SPEN: variants seen among roughly 807,000 people sequenced by gnomAD.
SPEN encodes the protein spen family transcriptional repressor.
In SPEN, 18 loss-of-function variants were observed where a neutral mutation model predicts 269.9. The ratio of observed to expected loss-of-function variants is 0.07; its 90% CI spans 0.05 to 0.10. SPEN has a LOEUF of 0.10. Among genes scored for constraint, SPEN ranks in the 10% least tolerant of loss-of-function variants. The probability of loss-of-function intolerance (pLI) is 1.00; values close to 1 mark genes in which losing one functional copy is unlikely to be tolerated. For synonymous variants in SPEN, 1,726 were observed against 1,765.7 expected, an observed-to-expected ratio of 0.98 and a Z score of 0.56; for missense variants, 3,822 against 4,631.2, an observed-to-expected ratio of 0.83 and a Z score of 5.07.
intron 3 of SPEN, among the ~76,000 whole-genome samples, chr1:15,900,164 C>T (rs1017493621): frequency 3.9e-5 from 6 of 152,072 alleles, no homozygotes; most frequent in East Asian, 1.9e-4. Context: ...GCTTTTTAAA[C>T]GAAATTAAAA....
Position 15,931,653 on chromosome 1 carries a change from T to G in SPEN, c.5413T>G (p.Leu1805Val). 2 of 1,614,098 alleles carry G rather than the reference T, an allele frequency of 1.2e-6. No individual in the cohort carries two copies. Among genetic ancestry groups the G allele is most frequent in the Non-Finnish European group, 1.7e-6 (2 of 1,180,024 alleles). Residue 1805 changes from leucine (L) to valine (V), a missense_variant, in exon 11 of 15, where the codon TTA (leucine) becomes GTA (valine). Coordinates refer to ENST00000375759, the MANE Select transcript of SPEN (RefSeq NM_015001.3). This position sits in a 1 kb window ranked among gnomAD's most constrained non-coding sequence, Gnocchi z 4.8. ...GTCTCAGCCCCCAGCTTCTGAAGATTTAGAGGTTGATCCTCCAGTTGCTGC... is the reference window on the plus strand; with the variant it reads ...GTCTCAGCCCCCAGCTTCTGAAGATGTAGAGGTTGATCCTCCAGTTGCTGC... ...PESQPPASED[L>V]EVDPPVAAKD...
At chr1:15,871,323 A>G (rs1048038067) in intron 1 of SPEN, among the ~76,000 whole-genome samples, 1 of 151,766 alleles carries the variant, frequency 6.6e-6, no homozygotes, top group East Asian at 1.9e-4. Flanking sequence ...TTAGAACCCT[A>G]GTCACTTTTC....
In SPEN at chr1:15,932,304, G is replaced by A. The variant is rs141045137; in HGVS notation, c.6064G>A (p.Gly2022Ser). ...CACCACTGAGGTGGGCCCCCAAATA[G>A]GCGTGAAAGAGAGCTCCATGGAACC... is the stretch of plus-strand genomic sequence containing the variant. ...EATTEVGPQI[G>S]VKESSMEPKA... Residue 2022 changes from glycine (G) to serine (S), a missense_variant, in exon 11 of 15, where the codon GGC becomes AGC. This residue lies in a region of SPEN where 727 missense variants were observed against 737.9 expected (regional missense o/e 0.99). Transcript: ENST00000375759. The surrounding 1 kb of genome is among the most constrained non-coding windows in gnomAD (Gnocchi z 4.2). 744 of 1,608,488 alleles carry A rather than the reference G, an allele frequency of 4.6e-4. 1 individual carries two copies. The highest frequency in any genetic ancestry group is 5.4e-4 in the Non-Finnish European group (635 of 1,178,066).
intron 3 of SPEN, among the ~76,000 whole-genome samples, chr1:15,877,124 G>C (rs1179416906): frequency 1.3e-5 from 2 of 152,138 alleles, no homozygotes. Flanking sequence ...TCAATGACTA[G>C]ATCAACTTAT....
intron 3 of SPEN, among the ~76,000 whole-genome samples, chr1:15,892,165 C>T (rs2070797355): frequency 6.6e-6 from 1 of 151,756 alleles, no homozygotes; most frequent in Non-Finnish European, 1.5e-5. Flanking sequence ...GGACTATAGG[C>T]ACCTTCCACC....
intron 3 of SPEN, among the ~76,000 whole-genome samples, chr1:15,881,905 C>T (rs569250925): frequency 2.0e-5 from 3 of 152,264 alleles, no homozygotes; most frequent in East Asian, 3.9e-4. Flanking sequence ...AGTTAGCACT[C>T]GTATAGTGGA....
rs2148704907 is a variant in SPEN, at chr1:15,860,248, T to A, written c.83+12098T>A. On this transcript the variant is annotated intron_variant, in intron 1 of 14. Coordinates refer to ENST00000375759, the MANE Select transcript of SPEN (RefSeq NM_015001.3). ...TAAGGCATAGACTTCAGTGACTGTT[T>A]TTCTTTTTGAGACAGCCTTGTTCTG... Among the ~76,000 whole-genome samples the A allele has an allele frequency of 2.0e-5, 3 of 151,776 alleles. No individual in the cohort carries two copies. In the South Asian group the frequency reaches 6.3e-4, roughly 32 times the overall value.
intron 1 of SPEN, among the ~76,000 whole-genome samples, chr1:15,863,589 C>G (rs1276091151): frequency 1.3e-5 from 2 of 151,938 alleles, no homozygotes; most frequent in Non-Finnish European, 1.5e-5. Context: ...ACCTGTAATC[C>G]CAGCACTTTG....
chr1:15,868,543 TCC>T (rs2070540435), intron 1 of SPEN, among the ~76,000 whole-genome samples: 1 of 151,890 alleles, frequency 6.6e-6, no homozygotes, highest in African/African-American at 2.4e-5. Context: ...CACGCCATTC[TCC>T]TGCCTCAGCC....
intron 9 of SPEN, 150 bp from the exon 10 acceptor site, chr1:15,922,099 C>G (rs1248117254): frequency 6.6e-6 from 4 of 607,116 alleles, no homozygotes; most frequent in Middle Eastern, 4.3e-4. Flanking sequence ...AATATAGTTT[C>G]AGTGATGAGG....
Position 15,873,078 on chromosome 1 carries a change from T to C in SPEN, c.346T>C (p.Tyr116His). ...GFRGGGGGPA[Y>H]GPPPSLHARE... Reference sequence around the variant, plus strand: ...CAGAGGAGGTGGTGGAGGGCCTGCTTATGGTCCCCCACCGTCACTTCATGC... The same window carrying C: ...CAGAGGAGGTGGTGGAGGGCCTGCTCATGGTCCCCCACCGTCACTTCATGC... The change falls in exon 2 of 15, where the codon TAT becomes CAT. Residue 116 changes from tyrosine to histidine, a missense_variant. By Grantham distance (83) the Tyr-to-His change is moderately conservative. Coordinates refer to ENST00000375759, the MANE Select transcript of SPEN (RefSeq NM_015001.3). 6.2e-7 allele frequency: 1 copy of C among 1,614,110 alleles called. No individual in the cohort carries two copies. The highest frequency in any genetic ancestry group is 8.5e-7 in the Non-Finnish European group (1 of 1,180,014).
At chr1:15,938,565 C>A in intron 13 of SPEN, 153 bp from the exon 14 acceptor site, 1 of 238,294 alleles carries the variant, frequency 4.2e-6, no homozygotes, top group Non-Finnish European at 7.3e-6. Flanking sequence ...TGAAAAAAAG[C>A]TTTTTTTTTT....
At chr1:15,862,107 C>T (rs2070454936) in intron 1 of SPEN, among the ~76,000 whole-genome samples, 1 of 152,108 alleles carries the variant, frequency 6.6e-6, no homozygotes, top group African/African-American at 2.4e-5. Context: ...TTTTGAGGGA[C>T]TCTTGATGTG....
At chr1:15,849,288 A>G (rs1046808861) in intron 1 of SPEN, among the ~76,000 whole-genome samples, 7 of 152,248 alleles carry the variant, frequency 4.6e-5, no homozygotes, top group South Asian at 2.1e-4. Flanking sequence ...AGTGAAGGAA[A>G]TTATGGAGCG....
chr1:15,865,200 C>T (rs570228057), intron 1 of SPEN, among the ~76,000 whole-genome samples: 46 of 151,614 alleles, frequency 3.0e-4, no homozygotes, highest in East Asian at 9.8e-4. Context: ...TACAGGCGCA[C>T]GCTGCCATGC....
rs549701471 is a variant in SPEN, at chr1:15,891,041, A to G, written c.881+14363A>G. Among the ~76,000 whole-genome samples, 12 of 152,318 alleles carry G rather than the reference A, an allele frequency of 7.9e-5. No homozygotes were observed. In the East Asian group the frequency reaches 2.3e-3, roughly 29 times the overall value. The stretch of plus-strand genomic sequence containing the variant: ...AGCTAGAAACAAAAACCTCCCTAAT[A>G]AACCAGCATATCATCCTTCAGGAGA... On this transcript the variant is annotated intron_variant, in intron 3 of 14. Transcript: ENST00000375759.
At position 15,884,898 on chromosome 1, in the gene SPEN, G is replaced by A. The variant is rs146151924; in HGVS notation, c.881+8220G>A. Among the ~76,000 whole-genome samples, 347 of 151,880 alleles carry A rather than the reference G, an allele frequency of 2.3e-3. 1 individual carries two copies. The highest frequency in any genetic ancestry group is 8.0e-3 in the African/African-American group (333 of 41,410). ...CAGGTTGTGCCACCAGCTAATTTTT[G>A]TATTTTTTAATAAAGATGGGTTTTC... On this transcript the variant is annotated intron_variant, in intron 3 of 14. Transcript: ENST00000375759.
intron 7 of SPEN, 103 bp downstream of exon 7, chr1:15,919,154 T>A (rs538328088): frequency 2.1e-6 from 2 of 974,856 alleles, no homozygotes; most frequent in East Asian, 5.0e-5. Flanking sequence ...AAGATCCTAC[T>A]AAGACAGATA....
At chr1:15,854,238 A>G (rs1391821098) in intron 1 of SPEN, among the ~76,000 whole-genome samples, 2 of 152,158 alleles carry the variant, frequency 1.3e-5, no homozygotes, top group Non-Finnish European at 2.9e-5. Flanking sequence ...GAATTGTGTT[A>G]TTAGATGATT....
Sources: gnomAD v4.1 joint callset for allele counts (sites outside exome capture counted in the v4.1 genomes callset) on GRCh38, gnomAD v4.1.1 for gene constraint, gnomAD v4.1.1 regional missense constraint, Gnocchi (gnomAD v3.1) non-coding constraint, MANE v1.5 for transcripts, NCBI Gene and HGNC (gene_info 2026-07-23, HGNC 2026-07-21) for gene names.